The following AFAP1 variants were observed in gnomAD, a reference collection of about 807,000 sequenced individuals.
AFAP1 encodes the protein actin filament associated protein 1, also known as actin filament-associated protein 1.
AFAP1 carries 75 observed loss-of-function variants against 93.9 expected under a neutral mutation model. That is an observed-to-expected ratio of 0.80 (90% CI 0.66 to 0.97). The LOEUF (loss-of-function observed/expected upper bound fraction) is 0.97. Among genes scored for constraint, AFAP1 ranks in the 50% least tolerant of loss-of-function variants. The pLI is 0.00. For synonymous variants in AFAP1, 517 were observed against 430.7 expected, an observed-to-expected ratio of 1.20 and a Z score of -2.48; for missense variants, 1,201 against 1,050.8, an observed-to-expected ratio of 1.14 and a Z score of -1.98.
chr4:7,823,642 C>T lies in AFAP1; in HGVS notation c.727-4471G>A, dbSNP rs370477591. ...CGCTGCCCAGCATCAAAGCACCTCA[C>T]GTAATCGCCTTTCCAAGAAGCTTTC... On this transcript the variant is annotated intron_variant, in intron 6 of 17. Coordinates refer to ENST00000420658, the MANE Select transcript of AFAP1 (RefSeq NM_001134647.2). Among the ~76,000 whole-genome samples the T allele has an allele frequency of 7.2e-5, 11 of 152,312 alleles. No individual in the cohort carries two copies. The East Asian group carries it at 1.2e-3, about 16-fold the overall frequency.
At position 7,778,823 on chromosome 4, in the gene AFAP1, C is replaced by T; in HGVS notation, c.1836G>A (p.Lys612=). ...CTTTCTTTGGCTGACTGCTCAGAGT[C>T]TTCCCTTTTCCTGTGACCCCATTAG... is the stretch of plus-strand genomic sequence containing the variant. ...VASNGVTGKG[K]TLSSQPKKAD... is the part of the protein sequence containing the mutation. The change falls in exon 14 of 18, where the codon AAG becomes AAA. Residue 612 remains lysine, a synonymous_variant. Coordinates refer to ENST00000420658, the MANE Select transcript of AFAP1 (RefSeq NM_001134647.2). 6.2e-7 allele frequency: 1 copy of T among 1,614,224 alleles called. No individual in the cohort carries two copies. The highest frequency in any genetic ancestry group is 2.2e-5 in the East Asian group (1 of 44,888).
At chr4:7,764,882 G>A (rs981114167) in intron 17 of AFAP1, among the ~76,000 whole-genome samples, 4 of 152,222 alleles carry the variant, frequency 2.6e-5, no homozygotes, top group African/African-American at 7.2e-5. Flanking sequence ...GAGGTGGGAG[G>A]ATTGTGTGAT....
At chr4:7,782,125 C>T (rs1193164926) in intron 12 of AFAP1, among the ~76,000 whole-genome samples, 3 of 152,232 alleles carry the variant, frequency 2.0e-5, no homozygotes, top group African/African-American at 7.2e-5. Flanking sequence ...ATGCTTTACA[C>T]AGCACTTCTC....
intron 3 of AFAP1, among the ~76,000 whole-genome samples, 179 bp downstream of exon 3, chr4:7,868,443 A>G (rs1716669460): frequency 6.6e-6 from 1 of 152,192 alleles, no homozygotes; most frequent in Non-Finnish European, 1.5e-5. Context: ...CTACACCTAG[A>G]GTCTACCAAC....
intron 4 of AFAP1, among the ~76,000 whole-genome samples, chr4:7,853,115 A>C (rs1366049788): frequency 6.6e-6 from 1 of 152,178 alleles, no homozygotes; most frequent in Non-Finnish European, 1.5e-5. Context: ...CTACTGTATC[A>C]GCCTAGCAAG....
chr4:7,852,486 C>T (rs148645091), intron 4 of AFAP1, among the ~76,000 whole-genome samples: 123 of 152,204 alleles, frequency 8.1e-4, no homozygotes, highest in Middle Eastern at 3.4e-3. Flanking sequence ...AGGAAGAACA[C>T]GCAGGGGACC....
At chr4:7,799,535 C>T (rs1217792481) in intron 10 of AFAP1, among the ~76,000 whole-genome samples, 1 of 152,192 alleles carries the variant, frequency 6.6e-6, no homozygotes, top group East Asian at 1.9e-4. Flanking sequence ...ACACCGGCCA[C>T]CCAGCACGCC....
chr4:7,938,392 T>C (rs1360206391), intron 1 of AFAP1, among the ~76,000 whole-genome samples: 1 of 152,212 alleles, frequency 6.6e-6, no homozygotes, highest in Non-Finnish European at 1.5e-5. Context: ...AGGGGAAAAC[T>C]GTCCAGTTCG....
intron 12 of AFAP1, among the ~76,000 whole-genome samples, chr4:7,782,525 G>A (rs1238093374): frequency 5.3e-5 from 8 of 152,192 alleles, no homozygotes; most frequent in Admixed American, 5.2e-4. Context: ...CTCTAACAAA[G>A]GACTAAAATA....
At chr4:7,779,345 G>A (rs112752886) in intron 13 of AFAP1, among the ~76,000 whole-genome samples, 4 of 152,334 alleles carry the variant, frequency 2.6e-5, no homozygotes, top group Admixed American at 6.5e-5. Flanking sequence ...ATAAGTGACC[G>A]CCTTCTTATC....
chr4:7,938,284 C>G (rs1247855147), intron 1 of AFAP1, among the ~76,000 whole-genome samples: 1 of 152,180 alleles, frequency 6.6e-6, no homozygotes, highest in African/African-American at 2.4e-5. Flanking sequence ...ATGCCTGTTA[C>G]TTAAACACCA....
intron 5 of AFAP1, among the ~76,000 whole-genome samples, chr4:7,841,985 A>T (rs1577280504): frequency 6.6e-6 from 1 of 152,280 alleles, no homozygotes; most frequent in African/African-American, 2.4e-5. Context: ...CCCTCACTGG[A>T]TTTGGAAGCT....
intron 1 of AFAP1, among the ~76,000 whole-genome samples, chr4:7,928,206 C>T (rs552255305): frequency 1.3e-5 from 2 of 152,266 alleles, no homozygotes; most frequent in Admixed American, 1.3e-4. Flanking sequence ...GCCACCTGAG[C>T]TCTCTATTTT....
chr4:7,787,948 G>A (rs556341117), intron 11 of AFAP1, among the ~76,000 whole-genome samples: 3 of 147,046 alleles, frequency 2.0e-5, no homozygotes, highest in Admixed American at 2.0e-4. Flanking sequence ...AGGTCTCCGC[G>A]TGGGTGCTGC....
chr4:7,810,158 C>T (rs956267937), intron 8 of AFAP1, among the ~76,000 whole-genome samples: 8 of 152,210 alleles, frequency 5.3e-5, no homozygotes, highest in East Asian at 1.9e-4. Flanking sequence ...CCACCGTGCC[C>T]GGCCTTTCCC....
intron 9 of AFAP1, among the ~76,000 whole-genome samples, chr4:7,805,307 A>C (rs1206308264): frequency 2.6e-5 from 4 of 152,236 alleles, no homozygotes; most frequent in African/African-American, 4.8e-5. Flanking sequence ...ATAAAGTGAC[A>C]GAACATTTCA....
chr4:7,916,079 C>CCTGGA (rs1361082259), intron 1 of AFAP1, among the ~76,000 whole-genome samples: 1 of 152,062 alleles, frequency 6.6e-6, no homozygotes, highest in East Asian at 1.9e-4. Context: ...GCTTCACCCA[C>CCTGGA]CTGGAAGGCA....
intron 1 of AFAP1, among the ~76,000 whole-genome samples, chr4:7,908,073 G>A (rs972060831): frequency 2.6e-5 from 4 of 152,094 alleles, no homozygotes; most frequent in Admixed American, 6.6e-5. Context: ...TTAGCCGGGC[G>A]TGGTGGCACA....
chr4:7,926,105 G>A (rs1318390571), intron 1 of AFAP1, among the ~76,000 whole-genome samples: 1 of 152,186 alleles, frequency 6.6e-6, no homozygotes, highest in Non-Finnish European at 1.5e-5. Flanking sequence ...AGCATCCTGT[G>A]TTCACACAAG....
Sources: gnomAD v4.1 joint callset for allele counts (sites outside exome capture counted in the v4.1 genomes callset) on GRCh38, gnomAD v4.1.1 for gene constraint, MANE v1.5 for transcripts, NCBI Gene and HGNC (gene_info 2026-07-23, HGNC 2026-07-21) for gene names.